Variants in MYO1D observed in about 807,000 individuals in gnomAD.
The protein encoded by MYO1D is unconventional myosin-Id.
Under a neutral mutation model 122.0 loss-of-function variants are expected in MYO1D, and 83 were observed. The ratio of observed to expected loss-of-function variants is 0.68; its 90% CI spans 0.57 to 0.82. The LOEUF (loss-of-function observed/expected upper bound fraction) is 0.82. Ranked by LOEUF, MYO1D falls within the 40% of genes least tolerant of loss-of-function variation. The pLI is 0.00. For missense variants in MYO1D, 1,157 were observed against 1,269.5 expected (o/e 0.91, Z 1.35); for synonymous variants, 464 against 446.9 (o/e 1.04, Z -0.48).
At chr17:32,564,190 G>C (rs1304837684) in intron 21 of MYO1D, among the ~76,000 whole-genome samples, 1 of 152,238 alleles carries the variant, frequency 6.6e-6, no homozygotes, top group Non-Finnish European at 1.5e-5. Flanking sequence ...CAGAGCCCAG[G>C]CTAACCTGGG....
chr17:32,775,065 C>A (rs2090159264), intron 4 of MYO1D, among the ~76,000 whole-genome samples: 1 of 152,144 alleles, frequency 6.6e-6, no homozygotes, highest in African/African-American at 2.4e-5. Flanking sequence ...CTTTGGGAGA[C>A]TGAAGCAGGA....
At chr17:32,777,433 T>C (rs9900775) in intron 3 of MYO1D, among the ~76,000 whole-genome samples, 6,010 of 152,164 alleles carry the variant, frequency 0.039, 387 homozygotes, top group African/African-American at 0.13. Context: ...AAGTAACCAA[T>C]TAGGAAAACA....
At chr17:32,772,411 G>A (rs1401283752) in intron 5 of MYO1D, among the ~76,000 whole-genome samples, 2 of 151,856 alleles carry the variant, frequency 1.3e-5, no homozygotes, top group Non-Finnish European at 2.9e-5. Context: ...CTGATCTCTA[G>A]AACTCCCAAA....
intron 1 of MYO1D, among the ~76,000 whole-genome samples, chr17:32,844,063 T>A (rs1312748050): frequency 6.6e-6 from 1 of 150,626 alleles, no homozygotes; most frequent in Non-Finnish European, 1.5e-5. Context: ...ATCAGCATAA[T>A]GATAACCTTA....
chr17:32,756,611 ATGACCC>A (rs1400970828), intron 10 of MYO1D, among the ~76,000 whole-genome samples: 2 of 151,880 alleles, frequency 1.3e-5, no homozygotes, highest in African/African-American at 4.8e-5. Context: ...TTTTAGTTAC[ATGACCC>A]TGAATGACTA....
At chr17:32,829,480 G>T (rs2090752813) in intron 1 of MYO1D, among the ~76,000 whole-genome samples, 1 of 152,220 alleles carries the variant, frequency 6.6e-6, no homozygotes, top group South Asian at 2.1e-4. Flanking sequence ...TGGAGACAGA[G>T]TCTTGCTCTG....
At chr17:32,729,684 T>C (rs1475703999) in intron 14 of MYO1D, among the ~76,000 whole-genome samples, 2 of 152,316 alleles carry the variant, frequency 1.3e-5, no homozygotes, top group East Asian at 1.9e-4. Context: ...ACTGTTGATA[T>C]GGAAAAGACA....
intron 2 of MYO1D, 126 bp from the exon 3 acceptor site, chr17:32,778,699 C>T (rs1306351603): frequency 3.4e-6 from 3 of 894,470 alleles, no homozygotes; most frequent in Non-Finnish European, 5.1e-6. Flanking sequence ...TGCACTGTTT[C>T]ATTTTTTTGC....
intron 1 of MYO1D, among the ~76,000 whole-genome samples, chr17:32,840,872 T>G (rs1317258036): frequency 6.6e-6 from 1 of 152,202 alleles, no homozygotes; most frequent in Non-Finnish European, 1.5e-5. Flanking sequence ...TGGTTTGATT[T>G]TTTTGACTTC....
At chr17:32,608,246 G>T (rs2087654260) in intron 20 of MYO1D, among the ~76,000 whole-genome samples, 1 of 152,162 alleles carries the variant, frequency 6.6e-6, no homozygotes, top group Non-Finnish European at 1.5e-5. Flanking sequence ...TCTGATAAAG[G>T]ACTTGTATTT....
At chr17:32,841,011 T>C (rs1271589268) in intron 1 of MYO1D, among the ~76,000 whole-genome samples, 3 of 152,210 alleles carry the variant, frequency 2.0e-5, no homozygotes, top group Non-Finnish European at 4.4e-5. Flanking sequence ...CAGTATAAAA[T>C]AGGCTTTATG....
At chr17:32,720,063 T>C (rs373149524) in intron 15 of MYO1D, among the ~76,000 whole-genome samples, 8 of 152,318 alleles carry the variant, frequency 5.3e-5, no homozygotes, top group African/African-American at 1.9e-4. Flanking sequence ...TATTTTAATT[T>C]TCTGCATTTT....
At chr17:32,560,468 A>C (rs1292432345) in intron 21 of MYO1D, among the ~76,000 whole-genome samples, 1 of 144,722 alleles carries the variant, frequency 6.9e-6, no homozygotes, top group African/African-American at 2.5e-5. Context: ...AAGTTACTGC[A>C]AGAAAGAAAT....
At chr17:32,583,659 T>C (rs1260986851) in intron 21 of MYO1D, among the ~76,000 whole-genome samples, 1 of 152,228 alleles carries the variant, frequency 6.6e-6, no homozygotes, top group Non-Finnish European at 1.5e-5. Context: ...AATGTGCTGT[T>C]ACTCCCAGCC....
chr17:32,750,385 G>A (rs1375910472), intron 11 of MYO1D, among the ~76,000 whole-genome samples: 5 of 152,086 alleles, frequency 3.3e-5, no homozygotes, highest in South Asian at 2.1e-4. Context: ...AAGCTGAGGC[G>A]GGCGGATTCC....
chr17:32,641,398 G>A (rs2088198789), intron 19 of MYO1D, among the ~76,000 whole-genome samples: 1 of 151,978 alleles, frequency 6.6e-6, no homozygotes, highest in Admixed American at 6.6e-5. Context: ...ATAAACATAC[G>A]TGTGCATGTG....
intron 1 of MYO1D, among the ~76,000 whole-genome samples, chr17:32,793,220 A>G (rs889767376): frequency 2.6e-5 from 4 of 151,986 alleles, no homozygotes; most frequent in African/African-American, 9.7e-5. Flanking sequence ...TACTAGAAGA[A>G]TAAGACATAG....
chr17:32,847,920 G>A (rs900796810), intron 1 of MYO1D, among the ~76,000 whole-genome samples: 1 of 152,152 alleles, frequency 6.6e-6, no homozygotes, highest in Non-Finnish European at 1.5e-5. Flanking sequence ...AAGAACCAAA[G>A]ATTGTTTATA....
At chr17:32,750,064 C>T (rs2151009999) in intron 11 of MYO1D, among the ~76,000 whole-genome samples, 1 of 152,300 alleles carries the variant, frequency 6.6e-6, no homozygotes, top group South Asian at 2.1e-4. Context: ...TACATGGAGG[C>T]CTGGCTCATC....
Sources: allele counts gnomAD v4.1 joint callset (sites outside exome capture counted in the v4.1 genomes callset), GRCh38; gene constraint gnomAD v4.1.1; transcripts MANE v1.5; gene names NCBI Gene and HGNC (gene_info 2026-07-23, HGNC 2026-07-21).